Variants in GRM5 observed in about 807,000 individuals in gnomAD.
The protein encoded by GRM5 is glutamate metabotropic receptor 5.
GRM5 carries 19 observed loss-of-function variants against 83.1 expected under a neutral mutation model. The ratio of observed to expected loss-of-function variants is 0.23; its 90% confidence interval spans 0.16 to 0.34. GRM5 has a LOEUF of 0.34. Ranked by LOEUF, GRM5 falls within the 10% of genes least tolerant of loss-of-function variation. The pLI, the probability that GRM5 is intolerant of heterozygous loss-of-function variation, is 1.00. For missense variants in GRM5, 1,160 were observed against 1,588.3 expected (o/e 0.73, Z 4.58); for synonymous variants, 675 against 633.6 (o/e 1.07, Z -0.98).
At chr11:88,580,978 T>A (rs1371283305) in intron 7 of GRM5, among the ~76,000 whole-genome samples, 1 of 152,076 alleles carries the variant, frequency 6.6e-6, no homozygotes, top group Non-Finnish European at 1.5e-5. Context: ...CATGGTGGCA[T>A]GCGCCTGTAG....
intron 3 of GRM5, among the ~76,000 whole-genome samples, chr11:88,779,857 C>T (rs1942938539): frequency 6.6e-6 from 1 of 152,168 alleles, no homozygotes; most frequent in Non-Finnish European, 1.5e-5. Flanking sequence ...TTGCATCCTT[C>T]CCTTGTTCTT....
At chr11:88,829,745 C>T (rs1943953741) in intron 3 of GRM5, among the ~76,000 whole-genome samples, 1 of 151,876 alleles carries the variant, frequency 6.6e-6, no homozygotes, top group Non-Finnish European at 1.5e-5. Context: ...AATAAAGATA[C>T]AAAACAAGAA....
At chr11:88,597,065 C>G (rs1410242352) in intron 6 of GRM5, 119 bp downstream of exon 6, 1 of 595,034 alleles carries the variant, frequency 1.7e-6, no homozygotes, top group Non-Finnish European at 2.9e-6. Flanking sequence ...GAATTTCTGA[C>G]ATTAGAAGCT....
In GRM5 at chr11:88,774,857, T is replaced by C. The variant is rs929396023; in HGVS notation, c.911+75049A>G. On this transcript the variant is annotated intron_variant, in intron 3 of 9. Transcript: ENST00000305447. ...CTGGATTCAGTTTGCCAGTATTTTA[T>C]TGAGGATTTTTGCATTGATGTTCAT... 1.1e-4 allele frequency among the ~76,000 whole-genome samples: 16 copies of C among 152,228 alleles called. No homozygotes were observed. In the South Asian group the frequency reaches 1.7e-3, roughly 16 times the overall value.
intron 2 of GRM5, among the ~76,000 whole-genome samples, chr11:89,044,294 CT>C (rs1264681732): frequency 2.6e-5 from 4 of 152,134 alleles, no homozygotes; most frequent in Non-Finnish European, 4.4e-5. Context: ...TCTTCTTCTT[CT>C]GTTTTATACT....
At chr11:88,591,649 A>G (rs1194482283) in intron 6 of GRM5, among the ~76,000 whole-genome samples, 6 of 152,236 alleles carry the variant, frequency 3.9e-5, no homozygotes, top group Admixed American at 3.9e-4. Context: ...GACCTTTGAT[A>G]ATAACATCAG....
chr11:89,029,138 C>A (rs562724602), intron 2 of GRM5, among the ~76,000 whole-genome samples: 1 of 152,318 alleles, frequency 6.6e-6, no homozygotes, highest in South Asian at 2.1e-4. Flanking sequence ...GCATAGTATT[C>A]CATGGTTTAT....
intron 1 of GRM5, among the ~76,000 whole-genome samples, chr11:89,055,878 A>G (rs891480602): frequency 1.3e-5 from 2 of 152,050 alleles, no homozygotes; most frequent in Non-Finnish European, 2.9e-5. Flanking sequence ...GTTGTCATAC[A>G]AACTGTAAAA....
chr11:88,651,344 A>G (rs1939626515), intron 4 of GRM5, among the ~76,000 whole-genome samples: 1 of 151,962 alleles, frequency 6.6e-6, no homozygotes, highest in South Asian at 2.1e-4. Context: ...ATTCCCTTAA[A>G]TATACCGGTT....
At chr11:88,890,682 G>T (rs316114) in intron 2 of GRM5, among the ~76,000 whole-genome samples, 146,487 of 152,170 alleles carry the variant, frequency 0.96, 70,554 homozygotes, top group East Asian at 0.99. Context: ...GTTGTATACT[G>T]CCTGATTTTC....
chr11:88,627,980 C>T (rs1938849244), intron 4 of GRM5, among the ~76,000 whole-genome samples: 1 of 152,068 alleles, frequency 6.6e-6, no homozygotes, highest in Admixed American at 6.6e-5. Flanking sequence ...ACTTGCATTC[C>T]CAGCCTTATT....
chr11:88,741,134 A>C (rs1470934269), intron 3 of GRM5, among the ~76,000 whole-genome samples: 1 of 152,114 alleles, frequency 6.6e-6, no homozygotes, highest in African/African-American at 2.4e-5. Flanking sequence ...GTTCACTGGT[A>C]GGTAATTAAA....
intron 2 of GRM5, among the ~76,000 whole-genome samples, chr11:88,881,717 T>G (rs1944956524): frequency 6.6e-6 from 1 of 152,180 alleles, no homozygotes; most frequent in Non-Finnish European, 1.5e-5. Flanking sequence ...TCTTGCTAAC[T>G]TCAGCTTCAA....
intron 2 of GRM5, among the ~76,000 whole-genome samples, chr11:88,933,063 C>A (rs185876196): frequency 1.2e-3 from 176 of 151,872 alleles, no homozygotes; most frequent in African/African-American, 4.2e-3. Flanking sequence ...ATGGGCAATT[C>A]AGAAAGGTCA....
intron 9 of GRM5, among the ~76,000 whole-genome samples, chr11:88,510,770 C>G (rs1437522433): frequency 1.3e-5 from 2 of 152,212 alleles, no homozygotes; most frequent in Non-Finnish European, 2.9e-5. Context: ...CCTGCCTCAG[C>G]CTCCTAAAGT....
At chr11:88,744,420 C>T (rs1233666454) in intron 3 of GRM5, among the ~76,000 whole-genome samples, 3 of 152,110 alleles carry the variant, frequency 2.0e-5, no homozygotes, top group Non-Finnish European at 4.4e-5. Context: ...GTGGGGACTT[C>T]AGAAATCTTA....
intron 2 of GRM5, among the ~76,000 whole-genome samples, chr11:88,965,910 AT>A (rs1170723598): frequency 6.6e-6 from 1 of 152,136 alleles, no homozygotes; most frequent in African/African-American, 2.4e-5. Flanking sequence ...TCTAAGTGAC[AT>A]TTTATGCAAT....
chr11:88,919,238 C>CTATATATATA lies in GRM5; in HGVS notation c.662-69093_662-69084dup, dbSNP rs147135169. 8.9e-3 allele frequency among the ~76,000 whole-genome samples: 287 copies of CTATATATATA among 32,398 alleles called. 57 individuals carry two copies. Among genetic ancestry groups the CTATATATATA allele is most frequent in the African/African-American group, 0.011 (205 of 19,016 alleles). 21.3% of individuals were successfully genotyped at this position (32,398 alleles called of 152,430 possible). A position where few individuals can be genotyped will look rare whatever the true frequency, so the allele number is the denominator to read the frequency against. On this transcript the variant is annotated intron_variant, in intron 2 of 9. Transcript: ENST00000305447. ...GGCATTCGAAGAACAGCAGGAGTAG[C>CTATATATATA]TATATATATATATATATATCGGATA...
intron 2 of GRM5, among the ~76,000 whole-genome samples, chr11:89,010,009 T>G (rs1305225115): frequency 1.4e-5 from 2 of 147,118 alleles, no homozygotes; most frequent in Non-Finnish European, 3.0e-5. Context: ...ACTCCACATA[T>G]GTATATACAC....
Sources: gnomAD v4.1 joint callset for allele counts (sites outside exome capture counted in the v4.1 genomes callset) on GRCh38, gnomAD v4.1.1 for gene constraint, MANE v1.5 for transcripts, NCBI Gene and HGNC (gene_info 2026-07-23, HGNC 2026-07-21) for gene names.